The following GRIK2 variants were observed in gnomAD, a reference collection of about 807,000 sequenced individuals.
GRIK2 encodes the protein glutamate ionotropic receptor kainate type subunit 2.
A neutral mutation model predicts 100.3 loss-of-function variants in GRIK2; 32 were observed. That is an observed-to-expected ratio of 0.32 (90% CI 0.24 to 0.43). The LOEUF (loss-of-function observed/expected upper bound fraction) is 0.43. Ranked by LOEUF, GRIK2 falls within the 20% of genes least tolerant of loss-of-function variation. The probability of loss-of-function intolerance (pLI) is 1.00; values close to 1 mark genes in which losing one functional copy is unlikely to be tolerated. For synonymous variants in GRIK2, 417 were observed against 389.4 expected, an observed-to-expected ratio of 1.07 and a Z score of -0.83; for missense variants, 843 against 1,114.9, an observed-to-expected ratio of 0.76 and a Z score of 3.47.
At chr6:101,911,718 C>T (rs2518189) in intron 12 of GRIK2, among the ~76,000 whole-genome samples, 129,538 of 151,318 alleles carry the variant, frequency 0.86, 55,604 homozygotes, top group East Asian at 0.94. Context: ...TTGTTTTCTA[C>T]GTAAAACAAC....
intron 10 of GRIK2, among the ~76,000 whole-genome samples, chr6:101,838,115 T>C (rs1274178484): frequency 2.6e-5 from 4 of 152,236 alleles, no homozygotes; most frequent in Non-Finnish European, 5.9e-5. Flanking sequence ...CAAACAGTTC[T>C]TGCTAAGTTT....
chr6:101,535,580 A>C (rs1274966996), intron 2 of GRIK2, among the ~76,000 whole-genome samples: 1 of 151,074 alleles, frequency 6.6e-6, no homozygotes, highest in East Asian at 1.9e-4. Context: ...TTCAGTTGTT[A>C]ATATATCTGC....
intron 12 of GRIK2, among the ~76,000 whole-genome samples, chr6:101,910,860 C>CACACACAT: frequency 6.7e-6 from 1 of 150,372 alleles, no homozygotes; most frequent in East Asian, 2.2e-4. Context: ...CACACACACA[C>CACACACAT]ACACATACAC....
At chr6:101,424,438 C>A (rs1047023010) in intron 2 of GRIK2, among the ~76,000 whole-genome samples, 1 of 150,392 alleles carries the variant, frequency 6.6e-6, no homozygotes, top group Non-Finnish European at 1.5e-5. Context: ...TTTGTCCTTG[C>A]GATAGTTTGC....
chr6:101,471,981 G>T (rs969641247), intron 2 of GRIK2, among the ~76,000 whole-genome samples: 1 of 143,258 alleles, frequency 7.0e-6, no homozygotes, highest in African/African-American at 2.4e-5. Context: ...ATTAAAGAAT[G>T]ATTTTTTTTT....
At chr6:101,544,788 T>G (rs1328381154) in intron 2 of GRIK2, among the ~76,000 whole-genome samples, 2 of 152,172 alleles carry the variant, frequency 1.3e-5, no homozygotes, top group East Asian at 1.9e-4. Context: ...TTTAGAAAAG[T>G]TAATTAATTT....
chr6:101,785,545 T>G (rs1160274426), intron 7 of GRIK2, among the ~76,000 whole-genome samples: 2 of 152,154 alleles, frequency 1.3e-5, no homozygotes, highest in Admixed American at 1.3e-4. Context: ...GGGTATCCAG[T>G]TTTTTTCAGT....
chr6:101,988,132 TGCGC>T (rs112299589), intron 14 of GRIK2, among the ~76,000 whole-genome samples: 706 of 29,362 alleles, frequency 0.024, 3 homozygotes, highest in South Asian at 0.063. Context: ...TGTGTGTGTG[TGCGC>T]GCGCGCGCGC....
intron 10 of GRIK2, among the ~76,000 whole-genome samples, chr6:101,826,877 T>A (rs1782369955): frequency 6.6e-6 from 1 of 152,024 alleles, no homozygotes; most frequent in Non-Finnish European, 1.5e-5. Flanking sequence ...ATCAGTAAAT[T>A]CCTTTCTTGA....
At chr6:101,464,497 C>CTTTTTTTTTTTTTT (rs71028069) in intron 2 of GRIK2, among the ~76,000 whole-genome samples, 2 of 62,012 alleles carry the variant, frequency 3.2e-5, no homozygotes, top group African/African-American at 6.2e-5. Context: ...CTTTTTCTTT[C>CTTTTTTTTTTTTTT]TTTTTTTTTT....
At chr6:101,406,818 A>G (rs73500693) in intron 2 of GRIK2, among the ~76,000 whole-genome samples, 126 of 152,316 alleles carry the variant, frequency 8.3e-4, no homozygotes, top group African/African-American at 2.9e-3. Context: ...ATCTTTTAGC[A>G]TAAGTGATTA....
intron 2 of GRIK2, among the ~76,000 whole-genome samples, chr6:101,418,655 G>A (rs1776271578): frequency 6.6e-6 from 1 of 152,120 alleles, no homozygotes; most frequent in Non-Finnish European, 1.5e-5. Context: ...AGGGAAGGAA[G>A]GTGGGAGAGG....
At chr6:101,845,792 G>A (rs1783772839) in intron 10 of GRIK2, among the ~76,000 whole-genome samples, 3 of 152,056 alleles carry the variant, frequency 2.0e-5, no homozygotes, top group African/African-American at 7.2e-5. Flanking sequence ...ATGTATGAAG[G>A]TTCTATTTTC....
At chr6:102,023,599 A>C (rs901457150) in intron 14 of GRIK2, among the ~76,000 whole-genome samples, 9 of 151,560 alleles carry the variant, frequency 5.9e-5, no homozygotes, top group Non-Finnish European at 8.9e-5. Context: ...GTCCACAGAA[A>C]GTTTTGAGTG....
At chr6:101,753,055 G>C (rs753948457) in intron 7 of GRIK2, among the ~76,000 whole-genome samples, 26 of 152,110 alleles carry the variant, frequency 1.7e-4, no homozygotes, top group Non-Finnish European at 3.7e-4. Flanking sequence ...AGCACTTTGG[G>C]AGGCCGAGGC....
At chr6:101,593,817 C>T (rs766639147) in intron 2 of GRIK2, among the ~76,000 whole-genome samples, 1 of 151,770 alleles carries the variant, frequency 6.6e-6, no homozygotes, top group Non-Finnish European at 1.5e-5. Context: ...GGTATAATAT[C>T]ACATCTGGGG....
chr6:101,764,097 C>G (rs1436793065), intron 7 of GRIK2, among the ~76,000 whole-genome samples: 1 of 152,198 alleles, frequency 6.6e-6, no homozygotes, highest in Non-Finnish European at 1.5e-5. Context: ...CACTGTCTCT[C>G]TCTCTCATGC....
At chr6:101,983,035 TATGA>T (rs1793811499) in intron 14 of GRIK2, among the ~76,000 whole-genome samples, 1 of 151,886 alleles carries the variant, frequency 6.6e-6, no homozygotes, top group Non-Finnish European at 1.5e-5. Context: ...TTTCACCTGC[TATGA>T]ATGAAGTAAT....
At chr6:101,480,545 C>T (rs1772473573) in intron 2 of GRIK2, among the ~76,000 whole-genome samples, 1 of 152,056 alleles carries the variant, frequency 6.6e-6, no homozygotes, top group Non-Finnish European at 1.5e-5. Flanking sequence ...TTGGCTTTCA[C>T]CTCTGCCAAA....
Sources: gnomAD v4.1 joint callset for allele counts (sites outside exome capture counted in the v4.1 genomes callset) on GRCh38, gnomAD v4.1.1 for gene constraint, MANE v1.5 for transcripts, NCBI Gene and HGNC (gene_info 2026-07-23, HGNC 2026-07-21) for gene names.